The following WNT2B variants were observed in gnomAD, a reference collection of about 807,000 sequenced individuals.
WNT2B encodes Wnt family member 2B, also known as protein Wnt-2b.
Under a neutral mutation model 40.5 loss-of-function variants are expected in WNT2B, and 19 were observed. The observed-to-expected ratio is 0.47, with a 90% CI of 0.33 to 0.69. The LOEUF (loss-of-function observed/expected upper bound fraction) is 0.69. Ranked by LOEUF, WNT2B falls within the 30% of genes least tolerant of loss-of-function variation. The pLI is 0.02. For synonymous variants in WNT2B, 220 were observed against 211.9 expected (o/e 1.04, Z -0.33); for missense variants, 467 against 556.4 (o/e 0.84, Z 1.62).
At chr1:112,480,453 C>A (rs976413865) in intron 1 of WNT2B, among the ~76,000 whole-genome samples, 1 of 151,196 alleles carries the variant, frequency 6.6e-6, no homozygotes, top group Non-Finnish European at 1.5e-5. Context: ...CAATTACATG[C>A]CAACAAACAG....
chr1:112,527,239 C>T lies in WNT2B; in HGVS notation c.*6730C>T, dbSNP rs1363569554. The T allele has an allele frequency of 1.3e-5, 2 of 152,384 alleles. No homozygotes were observed. Among genetic ancestry groups the T allele is most frequent in the African/African-American group, 4.8e-5 (2 of 41,474 alleles). 9.4% of individuals were successfully genotyped at this position (152,384 alleles called of 1,614,324 possible). ...AAAGTACAATGTTCATCAATCATAG[C>T]TCTGGGATGCTGCAGCTCCCTGACC... is the stretch of plus-strand genomic sequence containing the variant. On this transcript the variant is annotated 3_prime_UTR_variant, in exon 5 of 5. Transcript: ENST00000369684.
chr1:112,484,290 T>TATACACATAGATATATATATATAC (rs1294363726), intron 1 of WNT2B, among the ~76,000 whole-genome samples: 1 of 126,050 alleles, frequency 7.9e-6, no homozygotes, highest in African/African-American at 3.4e-5. Flanking sequence ...TATATATATA[T>TATACACATAGATATATATATATAC]ACACACACAT....
rs570471775 is a variant in WNT2B at position 112,529,659 on chromosome 1, A to G, written c.*9150A>G. On this transcript the variant is annotated 3_prime_UTR_variant, in exon 5 of 5. Transcript: ENST00000369684. The stretch of plus-strand genomic sequence containing the variant: ...CTGGTTAAGCAACCAGGGAAATGTT[A>G]TTGCTCAAAATGCAATTTTAAAAAA... The G allele has an allele frequency of 1.1e-4, 17 of 151,370 alleles. No individual in the cohort carries two copies. The highest frequency in any genetic ancestry group is 4.1e-4 in the African/African-American group (17 of 41,304). 9.4% of individuals were successfully genotyped at this position (151,370 alleles called of 1,614,324 possible). A position where few individuals can be genotyped will look rare whatever the true frequency, so the allele number is the denominator to read the frequency against.
chr1:112,523,359 A>C lies in WNT2B; in HGVS notation c.*2850A>C, dbSNP rs1000769517. 3.9e-5 allele frequency: 6 copies of C among 152,210 alleles called. No homozygotes were observed. Among genetic ancestry groups the C allele is most frequent in the Non-Finnish European group, 8.8e-5 (6 of 68,040 alleles). The allele number at this position is 152,210 out of a possible 1,614,324, so 9.4% of individuals were successfully genotyped here. On this transcript the variant is annotated 3_prime_UTR_variant, in exon 5 of 5. Coordinates refer to ENST00000369684, the MANE Select transcript of WNT2B (RefSeq NM_024494.3). The stretch of plus-strand genomic sequence containing the variant: ...TGAAAAGAGAGGTGCATAAGAGAGA[A>C]ATGATGTCCATTTGAGCCCCACCAC...
chr1:112,516,147 A>T lies in WNT2B; in HGVS notation c.411A>T (p.Arg137=). 6.2e-7 allele frequency: 1 copy of T among 1,611,258 alleles called. No individual in the cohort carries two copies. Among genetic ancestry groups the T allele is most frequent in the Non-Finnish European group, 8.5e-7 (1 of 1,177,748 alleles). Residue 137 remains arginine, a synonymous_variant, in exon 3 of 5, where the codon CGA becomes CGT. Coordinates refer to ENST00000369684, the MANE Select transcript of WNT2B (RefSeq NM_024494.3). ...VFGRVMLRSS[R]EAAFVYAISS... is the part of the protein sequence containing the mutation. ...CTACAATTCTCTCTCTAGGTAGCCG[A>T]GAGGCAGCTTTTGTATATGCCATCT...
chr1:112,490,827 A>G (rs559367749), intron 1 of WNT2B, among the ~76,000 whole-genome samples: 21 of 152,258 alleles, frequency 1.4e-4, no homozygotes, highest in African/African-American at 5.1e-4. Flanking sequence ...TAAAATGCCC[A>G]TTTTTGTATT....
At chr1:112,481,994 A>T (rs1373027803) in intron 1 of WNT2B, among the ~76,000 whole-genome samples, 1 of 152,092 alleles carries the variant, frequency 6.6e-6, no homozygotes, top group African/African-American at 2.4e-5. Context: ...TAAATACAAA[A>T]GATTAACCTG....
chr1:112,509,502 C>G lies in WNT2B; in HGVS notation c.182+58C>G. On this transcript the variant is annotated intron_variant, in intron 1 of 4. Coordinates refer to ENST00000369684, the MANE Select transcript of WNT2B (RefSeq NM_024494.3). This position sits in a 1 kb window ranked among gnomAD's most constrained non-coding sequence, Gnocchi z 4.2. ...CGCTTGGTAGGAGAGGCCGGAGGCG[C>G]CTGGAGGGACTGGCTGCTCACGGGA... 3 of 1,503,038 alleles carry G rather than the reference C, an allele frequency of 2.0e-6. No homozygotes were observed. Among genetic ancestry groups the G allele is most frequent in the Non-Finnish European group, 2.6e-6 (3 of 1,142,772 alleles). The allele number at this position is 1,503,038 out of a possible 1,614,324, so 93.1% of individuals were successfully genotyped here.
rs1652881532 is a variant in WNT2B at position 112,521,520 on chromosome 1, T to C, written c.*1011T>C. On this transcript the variant is annotated 3_prime_UTR_variant, in exon 5 of 5. Coordinates refer to ENST00000369684, the MANE Select transcript of WNT2B (RefSeq NM_024494.3). ...GATCTCTGGCTTTGGTAATTCTTTA[T>C]GAGAGGATCCTAGCCTTTGAAGCTG... 1 of 152,384 alleles carries C rather than the reference T, an allele frequency of 6.6e-6. No individual in the cohort carries two copies. 9.4% of individuals were successfully genotyped at this position (152,384 alleles called of 1,614,324 possible).
At chr1:112,510,445 C>T (rs1011870415) in intron 1 of WNT2B, among the ~76,000 whole-genome samples, 5 of 152,140 alleles carry the variant, frequency 3.3e-5, no homozygotes, top group Non-Finnish European at 7.3e-5. Context: ...CCCTCTCCAC[C>T]AGGCAGTGCC....
chr1:112,518,664 C>G (rs1415899806), intron 4 of WNT2B, among the ~76,000 whole-genome samples: 1 of 152,076 alleles, frequency 6.6e-6, no homozygotes, highest in Non-Finnish European at 1.5e-5. Context: ...CCTATACTAC[C>G]ATACTGAAAA....
chr1:112,511,358 C>T (rs1652342306), intron 1 of WNT2B, among the ~76,000 whole-genome samples: 1 of 152,152 alleles, frequency 6.6e-6, no homozygotes, highest in African/African-American at 2.4e-5. Flanking sequence ...AGCCTCCTTG[C>T]TCCACACCTG....
chr1:112,513,122 A>AAAAAAAAC (rs200891533), intron 1 of WNT2B, among the ~76,000 whole-genome samples: 2,881 of 144,802 alleles, frequency 0.02, 87 homozygotes, highest in African/African-American at 0.072. Context: ...AGCCCCATTA[A>AAAAAAAAC]AAAAAAACAA....
intron 1 of WNT2B, among the ~76,000 whole-genome samples, chr1:112,512,994 T>C (rs957276882): frequency 2.0e-5 from 3 of 152,150 alleles, no homozygotes; most frequent in African/African-American, 7.2e-5. Flanking sequence ...TGCAGCAGAA[T>C]GGATTTAAGT....
At chr1:112,494,421 T>C (rs1402319701) in intron 1 of WNT2B, among the ~76,000 whole-genome samples, 1 of 151,152 alleles carries the variant, frequency 6.6e-6, no homozygotes, top group African/African-American at 2.5e-5. Context: ...CAGGCTAGAG[T>C]ACAGTGGCAC....
Position 112,520,770 on chromosome 1 carries a change from G to A in WNT2B, c.*261G>A, listed in dbSNP as rs750208453. ...TGAAGGGAGAGTAGAAGAGATAGGGGGTCTTTAGAGTGAAATGAGTTGCAC... is the reference window on the plus strand; with the variant it reads ...TGAAGGGAGAGTAGAAGAGATAGGGAGTCTTTAGAGTGAAATGAGTTGCAC... On this transcript the variant is annotated 3_prime_UTR_variant, in exon 5 of 5. Coordinates refer to ENST00000369684, the MANE Select transcript of WNT2B (RefSeq NM_024494.3). The A allele has an allele frequency of 6.1e-5, 32 of 520,590 alleles. No individual in the cohort carries two copies. Among genetic ancestry groups the A allele is most frequent in the Non-Finnish European group, 9.9e-5 (29 of 293,238 alleles). 32.2% of individuals were successfully genotyped at this position (520,590 alleles called of 1,614,324 possible). A position where few individuals can be genotyped will look rare whatever the true frequency, so the allele number is the denominator to read the frequency against.
intron 4 of WNT2B, among the ~76,000 whole-genome samples, chr1:112,518,733 G>GT (rs1051982510): frequency 2.0e-5 from 3 of 152,146 alleles, no homozygotes; most frequent in African/African-American, 7.2e-5. Context: ...ATGTGTGTTC[G>GT]TTTTTCTCAG....
intron 1 of WNT2B, among the ~76,000 whole-genome samples, chr1:112,495,588 C>CA (rs1172484242): frequency 0.14 from 13,109 of 94,352 alleles, 837 homozygotes; most frequent in African/African-American, 0.24. Context: ...GACTCTGTCT[C>CA]AAAAAAAAAA....
chr1:112,488,630 C>T (rs879909036), intron 1 of WNT2B, among the ~76,000 whole-genome samples: 1 of 151,266 alleles, frequency 6.6e-6, no homozygotes, highest in African/African-American at 2.4e-5. Flanking sequence ...TGGCTCACTG[C>T]AAGCTCCACC....
Sources: allele counts gnomAD v4.1 joint callset (sites outside exome capture counted in the v4.1 genomes callset), GRCh38; gene constraint gnomAD v4.1.1; non-coding constraint Gnocchi (gnomAD v3.1); transcripts MANE v1.5; gene names NCBI Gene and HGNC (gene_info 2026-07-23, HGNC 2026-07-21).